The following SPAG9 variants were observed in gnomAD, a reference collection of about 807,000 sequenced individuals.
SPAG9 encodes the protein C-Jun-amino-terminal kinase-interacting protein 4.
A neutral mutation model predicts 166.5 loss-of-function variants in SPAG9; 35 were observed. The observed-to-expected ratio is 0.21, with a 90% CI of 0.16 to 0.28. The LOEUF is 0.28. SPAG9 is among the 10% of genes least tolerant of loss of function. The pLI is 1.00. For missense variants in SPAG9, 1,235 were observed against 1,603.3 expected (o/e 0.77, Z 3.92); for synonymous variants, 534 against 565.5 (o/e 0.94, Z 0.79).
chr17:51,020,122 G>T, intron 8 of SPAG9, 37 bp downstream of exon 8: 1 of 1,241,948 alleles, frequency 8.1e-7, no homozygotes, highest in Non-Finnish European at 1.2e-6. Flanking sequence ...TGGGGGTGGG[G>T]GGCGCAGAAT....
At chr17:51,060,489 C>T (rs1429532439) in intron 2 of SPAG9, among the ~76,000 whole-genome samples, 1 of 124,768 alleles carries the variant, frequency 8.0e-6, no homozygotes, top group African/African-American at 3.2e-5. Context: ...GGTGACAGAG[C>T]GGGACTTTGT....
chr17:51,065,899 C>T (rs907817700), intron 2 of SPAG9, among the ~76,000 whole-genome samples: 1 of 152,190 alleles, frequency 6.6e-6, no homozygotes, highest in Non-Finnish European at 1.5e-5. Flanking sequence ...ATGCCCATGT[C>T]TCCGCAAAAG....
intron 5 of SPAG9, among the ~76,000 whole-genome samples, chr17:51,040,739 G>A (rs1363557893): frequency 6.6e-6 from 1 of 152,116 alleles, no homozygotes; most frequent in African/African-American, 2.4e-5. Context: ...ACCATGATAA[G>A]TATTATGGAG....
chr17:51,071,011 T>C (rs1348218144), intron 2 of SPAG9, among the ~76,000 whole-genome samples: 1 of 152,024 alleles, frequency 6.6e-6, no homozygotes, highest in Non-Finnish European at 1.5e-5. Context: ...CACAATGATA[T>C]AAAAATATAA....
At chr17:51,002,419 C>G (rs2044995306) in intron 12 of SPAG9, among the ~76,000 whole-genome samples, 2 of 152,036 alleles carry the variant, frequency 1.3e-5, no homozygotes, top group Non-Finnish European at 2.9e-5. Flanking sequence ...ATAAAGAAAT[C>G]ATAAAGAGTA....
At chr17:51,116,903 G>A (rs543617099) in intron 1 of SPAG9, among the ~76,000 whole-genome samples, 1 of 152,328 alleles carries the variant, frequency 6.6e-6, no homozygotes, top group African/African-American at 2.4e-5. Flanking sequence ...AGCTAGCTAT[G>A]TAAAATTCTA....
chr17:50,964,725 A>C lies in SPAG9; in HGVS notation c.*1547T>G, dbSNP rs1038325628. The C allele has an allele frequency of 3.8e-5, 17 of 451,544 alleles. No individual in the cohort carries two copies. Among genetic ancestry groups the C allele is most frequent in the Non-Finnish European group, 7.1e-5 (16 of 224,760 alleles). 28.0% of individuals were successfully genotyped at this position (451,544 alleles called of 1,614,324 possible). A position where few individuals can be genotyped will look rare whatever the true frequency, so the allele number is the denominator to read the frequency against. On this transcript the variant is annotated 3_prime_UTR_variant, in exon 30 of 30. Coordinates refer to ENST00000262013, the MANE Select transcript of SPAG9 (RefSeq NM_001130528.3). ...AAAAAACTTATTAAGCAAGAAAATC[A>C]GTGAAATCCAGACTTTAATCTATTT... is the stretch of plus-strand genomic sequence containing the variant.
At chr17:51,062,845 C>T (rs1000023392) in intron 2 of SPAG9, among the ~76,000 whole-genome samples, 3 of 152,180 alleles carry the variant, frequency 2.0e-5, no homozygotes, top group African/African-American at 7.2e-5. Flanking sequence ...CTGCCTCCGC[C>T]TCTCAAAGTG....
chr17:51,053,692 A>C (rs1029400588), intron 3 of SPAG9, among the ~76,000 whole-genome samples: 11 of 150,456 alleles, frequency 7.3e-5, no homozygotes, highest in South Asian at 4.2e-4. Context: ...CACACACAAA[A>C]AAAAAAATTG....
intron 1 of SPAG9, among the ~76,000 whole-genome samples, chr17:51,116,567 GAC>G (rs2049293350): frequency 1.3e-5 from 2 of 152,134 alleles, no homozygotes; most frequent in Admixed American, 1.3e-4. Flanking sequence ...AGGAGTTCCA[GAC>G]CAGACTGGGC....
At chr17:51,110,329 A>G (rs934644380) in intron 1 of SPAG9, among the ~76,000 whole-genome samples, 1 of 151,506 alleles carries the variant, frequency 6.6e-6, no homozygotes, top group African/African-American at 2.4e-5. Flanking sequence ...TTGAAAGTTT[A>G]CCTAATAAAA....
chr17:51,046,032 A>G (rs2047007914), intron 4 of SPAG9, among the ~76,000 whole-genome samples: 1 of 152,212 alleles, frequency 6.6e-6, no homozygotes, highest in Admixed American at 6.5e-5. Flanking sequence ...CCCATGAGCT[A>G]TTATCAAAAA....
chr17:51,051,547 C>T (rs1191543394), intron 3 of SPAG9, among the ~76,000 whole-genome samples: 1 of 152,130 alleles, frequency 6.6e-6, no homozygotes, highest in African/African-American at 2.4e-5. Context: ...TGGTGAAACC[C>T]AGTCTCTACT....
intron 1 of SPAG9, among the ~76,000 whole-genome samples, chr17:51,119,699 G>C (rs1206229540): frequency 6.6e-6 from 1 of 152,138 alleles, no homozygotes; most frequent in African/African-American, 2.4e-5. Context: ...AACTGTCCAA[G>C]GTTACAACCT....
Position 51,054,879 on chromosome 17 carries a change from T to C in SPAG9, c.495+1533A>G, listed in dbSNP as rs186996247. Among the ~76,000 whole-genome samples, 77 of 152,294 alleles carry C rather than the reference T, an allele frequency of 5.1e-4. 1 individual carries two copies. The highest frequency in any genetic ancestry group is 1.8e-3 in the African/African-American group (73 of 41,570). Reference sequence around the variant, plus strand: ...TCTGTGATACTTCATGCTTTGGGTATGGTTATTAAGCTAAGATTGTAATAA... The same window carrying C: ...TCTGTGATACTTCATGCTTTGGGTACGGTTATTAAGCTAAGATTGTAATAA... On this transcript the variant is annotated intron_variant, in intron 3 of 29. Coordinates refer to ENST00000262013, the MANE Select transcript of SPAG9 (RefSeq NM_001130528.3).
intron 6 of SPAG9, among the ~76,000 whole-genome samples, chr17:51,024,329 T>C (rs1465859175): frequency 6.6e-6 from 1 of 152,242 alleles, no homozygotes; most frequent in Non-Finnish European, 1.5e-5. Context: ...GTTGCAATAC[T>C]GTATCACTAT....
chr17:51,106,553 T>C (rs975723194), intron 1 of SPAG9, among the ~76,000 whole-genome samples: 3 of 152,126 alleles, frequency 2.0e-5, no homozygotes, highest in African/African-American at 4.8e-5. Context: ...TCCCAGCACT[T>C]TGGGAGGCCA....
intron 2 of SPAG9, among the ~76,000 whole-genome samples, chr17:51,069,616 A>T (rs2047767481): frequency 6.6e-6 from 1 of 152,114 alleles, no homozygotes; most frequent in African/African-American, 2.4e-5. Context: ...TAAAATTTAA[A>T]CATTCCTTTA....
At chr17:51,025,316 C>CAAAAA (rs10549685) in intron 6 of SPAG9, among the ~76,000 whole-genome samples, 15 of 61,124 alleles carry the variant, frequency 2.5e-4, no homozygotes, top group Non-Finnish European at 3.7e-4. Flanking sequence ...GACTCTGTCT[C>CAAAAA]AAAAAAAAAA....
Sources: allele counts gnomAD v4.1 joint callset (sites outside exome capture counted in the v4.1 genomes callset), GRCh38; gene constraint gnomAD v4.1.1; transcripts MANE v1.5; gene names NCBI Gene and HGNC (gene_info 2026-07-23, HGNC 2026-07-21).